The following FBXW7 variants were observed in gnomAD, a reference collection of about 807,000 sequenced individuals.
The protein encoded by FBXW7 is F-box/WD repeat-containing protein 7.
FBXW7 carries 11 observed loss-of-function variants against 86.3 expected under a neutral mutation model. The ratio of observed to expected loss-of-function variants is 0.13; its 90% CI spans 0.08 to 0.21. The LOEUF is 0.21. FBXW7 is among the 10% of genes least tolerant of loss of function. FBXW7 has a pLI of 1.00. For synonymous variants in FBXW7, 313 were observed against 297.9 expected (o/e 1.05, Z -0.52); for missense variants, 488 against 847.4 (o/e 0.58, Z 5.27).
At chr4:152,482,288 T>C (rs1034122640) in intron 2 of FBXW7, among the ~76,000 whole-genome samples, 8 of 152,238 alleles carry the variant, frequency 5.3e-5, no homozygotes, top group African/African-American at 1.7e-4. Flanking sequence ...TTTTTAAACA[T>C]GTTATTACAC....
At chr4:152,447,092 T>C (rs1486428075) in intron 2 of FBXW7, among the ~76,000 whole-genome samples, 1 of 152,240 alleles carries the variant, frequency 6.6e-6, no homozygotes, top group Non-Finnish European at 1.5e-5. Flanking sequence ...TATTTTCAAC[T>C]TTCTAGAAAC....
At chr4:152,372,797 A>G (rs1444518205) in intron 4 of FBXW7, among the ~76,000 whole-genome samples, 1 of 152,030 alleles carries the variant, frequency 6.6e-6, no homozygotes, top group Non-Finnish European at 1.5e-5. Flanking sequence ...ATTGTTACCT[A>G]ATTAAAAATT....
chr4:152,519,224 G>A (rs1386437004), intron 2 of FBXW7, among the ~76,000 whole-genome samples: 1 of 152,114 alleles, frequency 6.6e-6, no homozygotes, highest in African/African-American at 2.4e-5. Flanking sequence ...CGTGAATCCG[G>A]GAGGCAGAGC....
chr4:152,373,628 A>G (rs1734204286), intron 4 of FBXW7, among the ~76,000 whole-genome samples: 1 of 152,012 alleles, frequency 6.6e-6, no homozygotes, highest in South Asian at 2.1e-4. Context: ...TCCTCTGATC[A>G]CCTACTTAGC....
chr4:152,505,820 C>T (rs867701601), intron 2 of FBXW7, among the ~76,000 whole-genome samples: 2 of 151,502 alleles, frequency 1.3e-5, no homozygotes, highest in African/African-American at 2.4e-5. Flanking sequence ...TGGCTCACTG[C>T]TACCTCTGCC....
chr4:152,333,419 T>G lies in FBXW7; in HGVS notation c.862-700A>C, dbSNP rs1055288763. On this transcript the variant is annotated intron_variant, in intron 7 of 13. Coordinates refer to ENST00000281708, the MANE Select transcript of FBXW7 (RefSeq NM_001349798.2). ...ATTTAAAAACTTTGTTTATAATACT[T>G]ATAAACTATTGATTTTTTTTCAGTG... is the stretch of plus-strand genomic sequence containing the variant. 6.6e-5 allele frequency among the ~76,000 whole-genome samples: 10 copies of G among 152,038 alleles called. No individual in the cohort carries two copies. In the South Asian group the frequency reaches 2.1e-3, roughly 32 times the overall value.
intron 4 of FBXW7, among the ~76,000 whole-genome samples, chr4:152,393,752 CA>C (rs1054690903): frequency 6.6e-6 from 1 of 152,122 alleles, no homozygotes; most frequent in African/African-American, 2.4e-5. Context: ...CAAAAACTGC[CA>C]TGGAAACCAA....
At position 152,411,789 on chromosome 4, in the gene FBXW7, C is replaced by T. The variant is rs760123912; in HGVS notation, c.15G>A (p.Leu5=). MNQE[L]LSVGSKRRRT... Reference sequence around the variant, plus strand: ...GTCGTCTTTTGCTGCCCACAGAGAGCAGTTCCTGATTCATTTCCAAAAGCC... The same window carrying T: ...GTCGTCTTTTGCTGCCCACAGAGAGTAGTTCCTGATTCATTTCCAAAAGCC... Residue 5 remains leucine, a synonymous_variant, in exon 4 of 14, where the codon CTG becomes CTA. Transcript: ENST00000281708. 2.5e-6 allele frequency: 4 copies of T among 1,610,348 alleles called. No individual in the cohort carries two copies. The highest frequency in any genetic ancestry group is 3.4e-6 in the Non-Finnish European group (4 of 1,177,962).
At chr4:152,431,692 T>C (rs958158977) in intron 2 of FBXW7, among the ~76,000 whole-genome samples, 2 of 152,026 alleles carry the variant, frequency 1.3e-5, no homozygotes, top group South Asian at 4.1e-4. Flanking sequence ...GAGAAGAGAG[T>C]ATCAAGCAGT....
chr4:152,342,498 T>C (rs1730843962), intron 6 of FBXW7, among the ~76,000 whole-genome samples: 1 of 152,204 alleles, frequency 6.6e-6, no homozygotes, highest in Admixed American at 6.5e-5. Context: ...TCATCCAGTG[T>C]TGATGTAGAT....
chr4:152,340,610 G>T (rs1445218039), intron 6 of FBXW7, among the ~76,000 whole-genome samples: 2 of 144,798 alleles, frequency 1.4e-5, no homozygotes, highest in African/African-American at 5.0e-5. Context: ...GGATACCACT[G>T]ATAAAGACGA....
At chr4:152,418,903 T>A (rs549295119) in intron 2 of FBXW7, among the ~76,000 whole-genome samples, 38 of 152,104 alleles carry the variant, frequency 2.5e-4, no homozygotes, top group Non-Finnish European at 5.3e-4. Flanking sequence ...AAAACAAATA[T>A]AATTTTTACA....
chr4:152,407,852 A>G (rs144733427), intron 4 of FBXW7, among the ~76,000 whole-genome samples: 1 of 152,126 alleles, frequency 6.6e-6, no homozygotes, highest in Non-Finnish European at 1.5e-5. Flanking sequence ...CCACAGGCGC[A>G]TGCCATCACA....
intron 4 of FBXW7, among the ~76,000 whole-genome samples, chr4:152,377,956 T>C (rs891696177): frequency 6.6e-6 from 1 of 152,168 alleles, no homozygotes; most frequent in Admixed American, 6.5e-5. Flanking sequence ...ACTACAGTAC[T>C]GTTGTAACAG....
chr4:152,511,998 CAATGATTTG>C (rs1748026081), intron 2 of FBXW7, among the ~76,000 whole-genome samples: 1 of 152,020 alleles, frequency 6.6e-6, no homozygotes, highest in Non-Finnish European at 1.5e-5. Flanking sequence ...ACCAGAAAAT[CAATGATTTG>C]AATGAGTTCC....
At chr4:152,326,651 T>G (rs1729049764) in intron 11 of FBXW7, among the ~76,000 whole-genome samples, 1 of 152,114 alleles carries the variant, frequency 6.6e-6, no homozygotes, top group South Asian at 2.1e-4. Flanking sequence ...GTGGTAGTGG[T>G]TTAAAGAATT....
At chr4:152,369,270 A>G (rs937600407) in intron 4 of FBXW7, among the ~76,000 whole-genome samples, 10 of 152,228 alleles carry the variant, frequency 6.6e-5, no homozygotes, top group Admixed American at 5.9e-4. Context: ...CCTCTGTAAA[A>G]GGTACTACTA....
At chr4:152,465,917 C>A (rs1743383981) in intron 2 of FBXW7, among the ~76,000 whole-genome samples, 1 of 151,242 alleles carries the variant, frequency 6.6e-6, no homozygotes, top group Non-Finnish European at 1.5e-5. Flanking sequence ...CAATGAACAC[C>A]ATGATTTTAA....
intron 2 of FBXW7, among the ~76,000 whole-genome samples, chr4:152,423,980 T>G (rs1280286784): frequency 2.0e-5 from 3 of 152,102 alleles, no homozygotes; most frequent in Non-Finnish European, 4.4e-5. Context: ...TTTCCAGATT[T>G]GAGGGGGGAA....
Sources: gnomAD v4.1 joint callset for allele counts (sites outside exome capture counted in the v4.1 genomes callset) on GRCh38, gnomAD v4.1.1 for gene constraint, MANE v1.5 for transcripts, NCBI Gene and HGNC (gene_info 2026-07-23, HGNC 2026-07-21) for gene names.